DHX40: variants seen among roughly 807,000 people sequenced by gnomAD.
DHX40 encodes the protein probable ATP-dependent RNA helicase DHX40.
A neutral mutation model predicts 89.6 loss-of-function variants in DHX40; 28 were observed. The ratio of observed to expected loss-of-function variants is 0.31; its 90% CI spans 0.23 to 0.43. The LOEUF is 0.43. Ranked by LOEUF, DHX40 falls within the 20% of genes least tolerant of loss-of-function variation. The pLI, the probability that DHX40 is intolerant of heterozygous loss-of-function variation, is 1.00. For missense variants in DHX40, 457 were observed against 844.0 expected (o/e 0.54, Z 5.68); for synonymous variants, 226 against 283.6 (o/e 0.80, Z 2.04).
intron 12 of DHX40, among the ~76,000 whole-genome samples, chr17:59,597,339 ATG>A (rs1432296335): frequency 1.2e-5 from 1 of 80,782 alleles, no homozygotes; most frequent in Non-Finnish European, 2.4e-5. Flanking sequence ...GTACATTGGT[ATG>A]TTGTGTTTGT....
At position 59,575,334 on chromosome 17, in the gene DHX40, T is replaced by C; in HGVS notation, c.842-6T>C. The C allele has an allele frequency of 5.1e-6, 8 of 1,570,224 alleles. No homozygotes were observed. The highest frequency in any genetic ancestry group is 6.9e-6 in the Non-Finnish European group (8 of 1,161,522). On this transcript the variant is annotated splice_region_variant and splice_polypyrimidine_tract_variant and intron_variant, in intron 6 of 17. Coordinates refer to ENST00000251241, the MANE Select transcript of DHX40 (RefSeq NM_024612.5). The stretch of plus-strand genomic sequence containing the variant: ...TGCTGAAGTTATTTTTTTCTTCCCA[T>C]TTTAGGCCAGTTTGAAATAGAAAAA...
intron 12 of DHX40, among the ~76,000 whole-genome samples, chr17:59,596,516 C>T (rs954927052): frequency 1.2e-4 from 19 of 152,110 alleles, no homozygotes; most frequent in Admixed American, 6.6e-5. Context: ...TGCAGTGAGC[C>T]AAGATTGCAC....
intron 2 of DHX40, among the ~76,000 whole-genome samples, chr17:59,568,099 G>A (rs2143188942): frequency 6.6e-6 from 1 of 152,212 alleles, no homozygotes; most frequent in African/African-American, 2.4e-5. Context: ...GTGGTGGCGG[G>A]CGCCTATAAT....
intron 10 of DHX40, among the ~76,000 whole-genome samples, 186 bp from the exon 11 acceptor site, chr17:59,585,967 G>A (rs1282376658): frequency 6.6e-6 from 1 of 151,422 alleles, no homozygotes; most frequent in African/African-American, 2.4e-5. Flanking sequence ...AGAGGAGTGT[G>A]ATTCAGAAAA....
At position 59,607,138 on chromosome 17, in the gene DHX40, A is replaced by G. The variant is rs2030916934; in HGVS notation, c.2306A>G (p.Gln769Arg). 9 of 1,614,132 alleles carry G rather than the reference A, an allele frequency of 5.6e-6. No individual in the cohort carries two copies. Among genetic ancestry groups the G allele is most frequent in the Non-Finnish European group, 6.8e-6 (8 of 1,180,046 alleles). ...CTTGAGAGAAAGCAGCAGAGGACCC[A>G]GGACCACAGTGACACACGAAAGGAA... ...RFLERKQQRT[Q>R]DHSDTRKETG The change falls in exon 18 of 18, where the codon CAG becomes CGG. Residue 769 changes from glutamine (Q) to arginine (R), a missense_variant. This residue lies in a region of DHX40 where 120 missense variants were observed against 161.7 expected (regional missense o/e 0.74). Transcript: ENST00000251241.
Position 59,566,718 on chromosome 17 carries a change from C to T in DHX40, c.204C>T (p.Asp68=), listed in dbSNP as rs372442650. Residue 68 remains aspartate (D), a synonymous_variant, in exon 2 of 18, where the codon GAC becomes GAT. Transcript: ENST00000251241. ...QRKKIIQAVR[D]NSFLIVTGNT... ...AAAAGATTATTCAAGCTGTGAGGGACAATTCATTCCTTATTGTTACTGGAA... is the reference window on the plus strand; with the variant it reads ...AAAAGATTATTCAAGCTGTGAGGGATAATTCATTCCTTATTGTTACTGGAA... 1.9e-6 allele frequency: 3 copies of T among 1,603,926 alleles called. No homozygotes were observed. The East Asian group carries it at 6.7e-5, about 36-fold the overall frequency.
rs547426097 is a variant in DHX40, at chr17:59,581,021, G to A, written c.1343+1142G>A. 2.7e-5 allele frequency among the ~76,000 whole-genome samples: 4 copies of A among 150,474 alleles called. 1 individual carries two copies. Among genetic ancestry groups the A allele is most frequent in the South Asian group, 2.1e-4 (1 of 4,742 alleles). On this transcript the variant is annotated intron_variant, in intron 10 of 17. Transcript: ENST00000251241. ...CACTTGAACCCAGGAGGCAGAGACT[G>A]CAACGTGCCAAGATCACACCACTGC... is the stretch of plus-strand genomic sequence containing the variant.
chr17:59,598,219 G>A (rs1021116988), intron 12 of DHX40, among the ~76,000 whole-genome samples: 5 of 151,964 alleles, frequency 3.3e-5, no homozygotes, highest in African/African-American at 9.7e-5. Context: ...ATATGGAGTT[G>A]TTATTAAATA....
chr17:59,605,375 T>C, intron 16 of DHX40, 71 bp from the exon 17 acceptor site: 1 of 1,474,484 alleles, frequency 6.8e-7, no homozygotes, highest in East Asian at 2.3e-5. Context: ...GGATTTGGAC[T>C]ATTTGGTTGG....
rs1261258681 is a variant in DHX40 at position 59,607,836 on chromosome 17, T to A, written c.*664T>A. 1 of 151,964 alleles carries A rather than the reference T, an allele frequency of 6.6e-6. No homozygotes were observed. The highest frequency in any genetic ancestry group is 1.5e-5 in the Non-Finnish European group (1 of 68,040). 9.4% of individuals were successfully genotyped at this position (151,964 alleles called of 1,614,324 possible). A position where few individuals can be genotyped will look rare whatever the true frequency, so the allele number is the denominator to read the frequency against. On this transcript the variant is annotated 3_prime_UTR_variant, in exon 18 of 18. Transcript: ENST00000251241. ...AATTCCTTTTTATATAAAAGTATAT[T>A]GTTTAAAACAGTAGCTATAGCCATT...
chr17:59,604,935 ATAAT>A, intron 15 of DHX40, 176 bp from the exon 16 acceptor site: 1 of 598,088 alleles, frequency 1.7e-6, no homozygotes, highest in Non-Finnish European at 3.0e-6. Flanking sequence ...TTTAACCTGT[ATAAT>A]TAATTTAAGA....
chr17:59,589,134 T>G (rs2049043572), intron 12 of DHX40, among the ~76,000 whole-genome samples: 1 of 151,900 alleles, frequency 6.6e-6, no homozygotes, highest in Non-Finnish European at 1.5e-5. Context: ...CAAAATTGTT[T>G]AGGCCATTCT....
rs1474170850 is a variant in DHX40 at position 59,570,987 on chromosome 17, T to A, written c.426+324T>A. 3.3e-5 allele frequency among the ~76,000 whole-genome samples: 5 copies of A among 152,234 alleles called. No individual in the cohort carries two copies. The East Asian group carries it at 9.6e-4, about 29-fold the overall frequency. On this transcript the variant is annotated intron_variant, in intron 3 of 17. Transcript: ENST00000251241. ...CTCAAGTGTCTGATGTTCATCCCAT[T>A]TTCTCCTTCCTTAGTTTATAAATGA...
intron 2 of DHX40, among the ~76,000 whole-genome samples, chr17:59,569,635 G>A (rs898309848): frequency 2.7e-5 from 4 of 147,072 alleles, no homozygotes; most frequent in African/African-American, 1.0e-4. Flanking sequence ...GCAGTGAGCC[G>A]AGATCGCGCC....
intron 12 of DHX40, among the ~76,000 whole-genome samples, chr17:59,594,971 C>G (rs938598830): frequency 3.3e-5 from 5 of 152,084 alleles, no homozygotes; most frequent in African/African-American, 1.2e-4. Context: ...TAATAGATGT[C>G]TCTCTAGAAA....
rs191085228 is a variant in DHX40, at chr17:59,585,494, G to A, written c.1344-659G>A. Among the ~76,000 whole-genome samples, 735 of 151,434 alleles carry A rather than the reference G, an allele frequency of 4.9e-3. 30 individuals are homozygous for A. The highest frequency in any genetic ancestry group is 0.039 in the Admixed American group (593 of 15,232). Reference sequence around the variant, plus strand: ...TCCTAGCACTTTGGGAGGCCGAGGCGGGCGGATTGCTTAAGCACAGGAGTT... The same window carrying A: ...TCCTAGCACTTTGGGAGGCCGAGGCAGGCGGATTGCTTAAGCACAGGAGTT... On this transcript the variant is annotated intron_variant, in intron 10 of 17. Coordinates refer to ENST00000251241, the MANE Select transcript of DHX40 (RefSeq NM_024612.5).
At chr17:59,574,758 G>C (rs2143232281) in intron 6 of DHX40, among the ~76,000 whole-genome samples, 1 of 151,828 alleles carries the variant, frequency 6.6e-6, no homozygotes, top group East Asian at 1.9e-4. Flanking sequence ...TTCTTCTTTG[G>C]GTGGTGGCAT....
intron 2 of DHX40, among the ~76,000 whole-genome samples, chr17:59,569,329 AAAAT>A (rs5821271): frequency 0.02 from 2,872 of 146,972 alleles, 38 homozygotes; most frequent in Admixed American, 0.03. Flanking sequence ...CTCTATCTCA[AAAAT>A]AAATAAATAA....
intron 10 of DHX40, among the ~76,000 whole-genome samples, chr17:59,581,207 G>A (rs1455291709): frequency 4.1e-4 from 55 of 132,646 alleles, no homozygotes; most frequent in Non-Finnish European, 7.8e-4. Flanking sequence ...CTTTCACTAA[G>A]CTTAAGTTAT....
Sources: gnomAD v4.1 joint callset for allele counts (sites outside exome capture counted in the v4.1 genomes callset) on GRCh38, gnomAD v4.1.1 for gene constraint, gnomAD v4.1.1 regional missense constraint, MANE v1.5 for transcripts, NCBI Gene and HGNC (gene_info 2026-07-23, HGNC 2026-07-21) for gene names.